The following ADIPOR2 variants were observed in gnomAD, a reference collection of about 807,000 sequenced individuals.
ADIPOR2 encodes adiponectin receptor protein 2.
A neutral mutation model predicts 40.9 loss-of-function variants in ADIPOR2; 18 were observed. The observed-to-expected ratio is 0.44, with a 90% CI of 0.30 to 0.65. ADIPOR2 has a LOEUF of 0.65. Ranked by LOEUF, ADIPOR2 falls within the 30% of genes least tolerant of loss-of-function variation. ADIPOR2 has a pLI of 0.09. For missense variants in ADIPOR2, 283 were observed against 479.2 expected (o/e 0.59, Z 3.82); for synonymous variants, 165 against 166.4 (o/e 0.99, Z 0.06).
chr12:1,739,985 C>T (rs549596547), intron 1 of ADIPOR2, among the ~76,000 whole-genome samples: 109 of 152,202 alleles, frequency 7.2e-4, no homozygotes, highest in South Asian at 1.4e-3. Flanking sequence ...GCCTGTAATC[C>T]TAGCTACTCA....
At chr12:1,717,685 A>G (rs1405931677) in intron 1 of ADIPOR2, among the ~76,000 whole-genome samples, 1 of 152,036 alleles carries the variant, frequency 6.6e-6, no homozygotes, top group Non-Finnish European at 1.5e-5. Context: ...AACCTGGGCA[A>G]TGAGAATGAA....
At chr12:1,778,384 T>C (rs1862643507) in intron 4 of ADIPOR2, 2 of 162,486 alleles carry the variant, frequency 1.2e-5, no homozygotes, top group South Asian at 1.7e-4. Flanking sequence ...TATGCACTGC[T>C]AATTTTCAGT....
intron 1 of ADIPOR2, among the ~76,000 whole-genome samples, chr12:1,729,021 A>G (rs925517085): frequency 1.6e-4 from 21 of 128,922 alleles, no homozygotes; most frequent in Middle Eastern, 0.01. Flanking sequence ...AGAACAGTTC[A>G]TTGTTAATAC....
chr12:1,757,950 T>C (rs1592616672), intron 2 of ADIPOR2: 1 of 1,030,504 alleles, frequency 9.7e-7, no homozygotes, highest in Non-Finnish European at 1.5e-6. Flanking sequence ...GGTCAATTTA[T>C]CCAGCATCCA....
intron 1 of ADIPOR2, among the ~76,000 whole-genome samples, chr12:1,747,322 AAT>A (rs1172572561): frequency 1.3e-5 from 2 of 152,220 alleles, no homozygotes; most frequent in Non-Finnish European, 2.9e-5. Context: ...AAAATTCACA[AAT>A]ATGTGGAAAT....
In ADIPOR2 at chr12:1,768,502, C is replaced by T. The variant is rs576231467; in HGVS notation, c.172-4340C>T. Among the ~76,000 whole-genome samples, 19 of 152,182 alleles carry T rather than the reference C, an allele frequency of 1.2e-4. No homozygotes were observed. In the South Asian group the frequency reaches 3.9e-3, roughly 32 times the overall value. On this transcript the variant is annotated intron_variant, in intron 2 of 7. Transcript: ENST00000357103. ...TTTAGCACTTTATTAGATTGTAAGTCCATGGAAGACAGAGACTATGTTTTA... is the reference window on the plus strand; with the variant it reads ...TTTAGCACTTTATTAGATTGTAAGTTCATGGAAGACAGAGACTATGTTTTA...
In ADIPOR2 at chr12:1,754,247, C is replaced by A; in HGVS notation, c.-86-11C>A. 8.0e-7 allele frequency: 1 copy of A among 1,257,606 alleles called. No homozygotes were observed. The highest frequency in any genetic ancestry group is 2.5e-5 in the South Asian group (1 of 40,474). 77.9% of individuals were successfully genotyped at this position (1,257,606 alleles called of 1,614,324 possible). On this transcript the variant is annotated splice_polypyrimidine_tract_variant and intron_variant, in intron 1 of 7. Transcript: ENST00000357103. ...CTTTAATGCATTTTTTCAAAACTTT[C>A]ATCTTCTTAGGATCAACTCACTATC...
intron 1 of ADIPOR2, among the ~76,000 whole-genome samples, chr12:1,742,572 C>T (rs749556403): frequency 2.0e-5 from 3 of 152,142 alleles, no homozygotes; most frequent in Non-Finnish European, 4.4e-5. Context: ...TCCAGGACCT[C>T]CCATGGATAC....
chr12:1,731,870 A>G (rs749990456), intron 1 of ADIPOR2, among the ~76,000 whole-genome samples: 6 of 152,262 alleles, frequency 3.9e-5, no homozygotes, highest in Non-Finnish European at 5.9e-5. Flanking sequence ...AGGCTGAGGC[A>G]GGAGAATCGC....
At chr12:1,749,444 A>G (rs2094764154) in intron 1 of ADIPOR2, among the ~76,000 whole-genome samples, 1 of 152,250 alleles carries the variant, frequency 6.6e-6, no homozygotes, top group South Asian at 2.1e-4. Flanking sequence ...AAAGACTGGA[A>G]TAAAGGCTAT....
intron 1 of ADIPOR2, among the ~76,000 whole-genome samples, chr12:1,721,794 A>G (rs1260152367): frequency 1.3e-5 from 2 of 152,150 alleles, no homozygotes; most frequent in African/African-American, 2.4e-5. Context: ...CATGGCAAAG[A>G]TTAGAGGGAT....
chr12:1,710,304 G>A (rs1298282477), intron 1 of ADIPOR2, among the ~76,000 whole-genome samples: 1 of 152,086 alleles, frequency 6.6e-6, no homozygotes, highest in Non-Finnish European at 1.5e-5. Context: ...AATAAATCTT[G>A]CTGCTGCTCA....
rs768303586 is a variant in ADIPOR2 at position 1,785,938 on chromosome 12, C to T, written c.1033-6C>T. ...CTACCCCCTTCTCTTCTTTTTTCCC[C>T]TCCAGTTTCACTCTCATCAGCTGTT... On this transcript the variant is annotated splice_region_variant and splice_polypyrimidine_tract_variant and intron_variant, in intron 7 of 7. Coordinates refer to ENST00000357103, the MANE Select transcript of ADIPOR2 (RefSeq NM_024551.3). The T allele has an allele frequency of 6.2e-7, 1 of 1,611,354 alleles. No individual in the cohort carries two copies. The highest frequency in any genetic ancestry group is 8.5e-7 in the Non-Finnish European group (1 of 1,179,236).
At chr12:1,777,275 A>T (rs1862614611) in intron 3 of ADIPOR2, among the ~76,000 whole-genome samples, 1 of 151,992 alleles carries the variant, frequency 6.6e-6, no homozygotes, top group Non-Finnish European at 1.5e-5. Context: ...TCCCACCATT[A>T]GCCAGGTTGA....
intron 1 of ADIPOR2, among the ~76,000 whole-genome samples, chr12:1,747,057 C>T (rs1363984178): frequency 1.4e-5 from 2 of 147,274 alleles, no homozygotes; most frequent in South Asian, 2.3e-4. Context: ...CACTGCCCCC[C>T]CCCAAAAAAT....
intron 1 of ADIPOR2, among the ~76,000 whole-genome samples, chr12:1,712,920 T>A (rs1256095099): frequency 6.6e-6 from 1 of 152,156 alleles, no homozygotes; most frequent in Non-Finnish European, 1.5e-5. Context: ...TTGATTTAGA[T>A]GCCTTGTACC....
intron 2 of ADIPOR2, among the ~76,000 whole-genome samples, chr12:1,759,589 T>C (rs1275373599): frequency 1.3e-5 from 2 of 152,216 alleles, no homozygotes; most frequent in Admixed American, 1.3e-4. Context: ...AATAAACCTA[T>C]TAGGAGTGCC....
chr12:1,695,931 A>C (rs919942049), intron 1 of ADIPOR2: 2 of 152,106 alleles, frequency 1.3e-5, no homozygotes, highest in South Asian at 2.1e-4. Context: ...TTGACGGGAC[A>C]TTCTGGCTAT....
intron 1 of ADIPOR2, among the ~76,000 whole-genome samples, chr12:1,741,288 G>GT (rs965019978): frequency 6.6e-6 from 1 of 152,168 alleles, no homozygotes; most frequent in African/African-American, 2.4e-5. Flanking sequence ...AGGGAGGCCT[G>GT]TTAGGGGATT....
Sources: allele counts gnomAD v4.1 joint callset (sites outside exome capture counted in the v4.1 genomes callset), GRCh38; gene constraint gnomAD v4.1.1; transcripts MANE v1.5; gene names NCBI Gene and HGNC (gene_info 2026-07-23, HGNC 2026-07-21).